The following HIVEP1 variants were observed in gnomAD, a reference collection of about 807,000 sequenced individuals.
The protein encoded by HIVEP1 is zinc finger protein 40.
A neutral mutation model predicts 180.0 loss-of-function variants in HIVEP1; 36 were observed. The ratio of observed to expected loss-of-function variants is 0.20; its 90% confidence interval spans 0.15 to 0.26. The LOEUF is 0.26. Among genes scored for constraint, HIVEP1 ranks in the 10% least tolerant of loss-of-function variants. The probability of loss-of-function intolerance (pLI) is 1.00; values close to 1 mark genes in which losing one functional copy is unlikely to be tolerated. For missense variants in HIVEP1, 3,143 were observed against 3,268.7 expected, an observed-to-expected ratio of 0.96 and a Z score of 0.94; for synonymous variants, 1,239 against 1,239.0, an observed-to-expected ratio of 1.00 and a Z score of 0.00.
intron 3 of HIVEP1, among the ~76,000 whole-genome samples, chr6:12,117,515 A>G (rs962280496): frequency 1.3e-5 from 2 of 152,182 alleles, no homozygotes; most frequent in East Asian, 1.9e-4. Flanking sequence ...TTTAAGTACA[A>G]GGTTACAGTT....
the HIVEP1 span, among the ~76,000 whole-genome samples, chr6:12,179,350 T>C: frequency 2.1e-5 from 3 of 145,382 alleles, no homozygotes; most frequent in South Asian, 4.1e-4. Context: ...CCTCCTATCA[T>C]TTTTTGCTCC....
chr6:12,047,006 G>A (rs941523770), intron 2 of HIVEP1, among the ~76,000 whole-genome samples: 4 of 151,398 alleles, frequency 2.6e-5, no homozygotes, highest in South Asian at 4.2e-4. Context: ...GATTACAGGT[G>A]TCCACCACCA....
At chr6:12,025,778 G>A (rs575003740) in intron 2 of HIVEP1, among the ~76,000 whole-genome samples, 2 of 152,314 alleles carry the variant, frequency 1.3e-5, no homozygotes, top group East Asian at 3.9e-4. Context: ...GATGGCTCAC[G>A]CCTGTAATCC....
rs758791370 is a variant in HIVEP1, at chr6:12,124,135, A to T, written c.4340A>T (p.His1447Leu). Residue 1447 changes from histidine to leucine, a missense_variant, in exon 4 of 9, where the codon CAC becomes CTC. Coordinates refer to ENST00000379388, the MANE Select transcript of HIVEP1 (RefSeq NM_002114.4). ...IAPDSHLSPV[H>L]PTSFQNTALP... is the part of the protein sequence containing the mutation. ...CCAGATAGTCATCTGTCTCCTGTACACCCAACATCTTTCCAAAATACTGCT... is the reference window on the plus strand; with the variant it reads ...CCAGATAGTCATCTGTCTCCTGTACTCCCAACATCTTTCCAAAATACTGCT... 4 of 1,614,054 alleles carry T rather than the reference A, an allele frequency of 2.5e-6. No homozygotes were observed. Among genetic ancestry groups the T allele is most frequent in the Non-Finnish European group, 3.4e-6 (4 of 1,180,000 alleles).
In HIVEP1 at chr6:12,122,225, G is replaced by A. The variant is rs746339258; in HGVS notation, c.2430G>A (p.Pro810=). 1.9e-5 allele frequency: 31 copies of A among 1,614,026 alleles called. No individual in the cohort carries two copies. Among genetic ancestry groups the A allele is most frequent in the Non-Finnish European group, 2.4e-5 (28 of 1,180,028 alleles). ...GRRTSSSSDI[P]KSPFTPTEKS... ...GAACAAGTTCAAGCTCTGATATACC[G>A]AAGTCACCTTTCACCCCTACTGAAA... The change falls in exon 4 of 9, where the codon CCG becomes CCA. Residue 810 remains proline (P), a synonymous_variant. Coordinates refer to ENST00000379388, the MANE Select transcript of HIVEP1 (RefSeq NM_002114.4).
At chr6:12,207,767 T>TAATAATAATAATAATAATAATA in the HIVEP1 span, among the ~76,000 whole-genome samples, 9 of 18,250 alleles carry the variant, frequency 4.9e-4, no homozygotes, top group Non-Finnish European at 9.5e-4. Context: ...TAATAATAAT[T>TAATAATAATAATAATAATAATA]AGCCAGGTGT....
At chr6:12,141,517 A>G (rs185377394) in intron 7 of HIVEP1, among the ~76,000 whole-genome samples, 37 of 152,060 alleles carry the variant, frequency 2.4e-4, no homozygotes, top group Non-Finnish European at 2.2e-4. Context: ...CACACATAAC[A>G]ATATTAACCT....
chr6:12,108,304 C>T (rs1774600811), intron 3 of HIVEP1, among the ~76,000 whole-genome samples: 1 of 152,362 alleles, frequency 6.6e-6, no homozygotes, highest in East Asian at 1.9e-4. Context: ...CCCCACCAGA[C>T]TCAGGAGCCC....
chr6:12,024,677 G>T (rs77359443), intron 2 of HIVEP1, among the ~76,000 whole-genome samples: 207 of 152,342 alleles, frequency 1.4e-3, no homozygotes, highest in African/African-American at 4.7e-3. Flanking sequence ...ATAGTATCCA[G>T]ATGGAAATAG....
intron 3 of HIVEP1, among the ~76,000 whole-genome samples, chr6:12,108,559 A>G (rs1175841664): frequency 1.3e-5 from 2 of 152,230 alleles, no homozygotes; most frequent in Non-Finnish European, 2.9e-5. Context: ...ATGCCCGGCG[A>G]GAAATCGAGC....
At chr6:12,034,606 GGGAA>G (rs1769162243) in intron 2 of HIVEP1, among the ~76,000 whole-genome samples, 2 of 152,198 alleles carry the variant, frequency 1.3e-5, no homozygotes, top group African/African-American at 4.8e-5. Flanking sequence ...AGGAGAGACT[GGGAA>G]AGGAGAACAG....
intron 2 of HIVEP1, among the ~76,000 whole-genome samples, chr6:12,040,318 T>C (rs1007856614): frequency 1.3e-5 from 2 of 152,244 alleles, no homozygotes; most frequent in African/African-American, 4.8e-5. Context: ...ATAAGAATAA[T>C]TTAAAATTGT....
chr6:12,051,039 A>ATATATATATATATTT, intron 2 of HIVEP1, among the ~76,000 whole-genome samples: 1 of 50,900 alleles, frequency 2.0e-5, no homozygotes, highest in Non-Finnish European at 4.7e-5. Context: ...TATGTATATT[A>ATATATATATATATTT]AAATAAATAT....
the HIVEP1 span, among the ~76,000 whole-genome samples, chr6:12,180,352 T>C: frequency 6.6e-6 from 1 of 152,232 alleles, no homozygotes; most frequent in Non-Finnish European, 1.5e-5. Flanking sequence ...TTTCTCGGCA[T>C]ATACATTTGC....
At chr6:12,189,366 A>G in the HIVEP1 span, among the ~76,000 whole-genome samples, 178 of 152,260 alleles carry the variant, frequency 1.2e-3, no homozygotes, top group African/African-American at 4.1e-3. Context: ...TAAAAATTGC[A>G]TGGATAAAAA....
chr6:12,049,074 G>T (rs1021765157), intron 2 of HIVEP1, among the ~76,000 whole-genome samples: 1 of 152,208 alleles, frequency 6.6e-6, no homozygotes, highest in Non-Finnish European at 1.5e-5. Flanking sequence ...AGCAAAAGGT[G>T]GGTGTGGGCA....
chr6:12,144,020 A>G (rs950473777), intron 7 of HIVEP1, among the ~76,000 whole-genome samples: 1 of 152,286 alleles, frequency 6.6e-6, no homozygotes, highest in South Asian at 2.1e-4. Context: ...ACGGAACTGG[A>G]AAAAAACTAC....
intron 7 of HIVEP1, among the ~76,000 whole-genome samples, chr6:12,144,611 T>C (rs1318272174): frequency 6.6e-6 from 1 of 152,168 alleles, no homozygotes; most frequent in Non-Finnish European, 1.5e-5. Flanking sequence ...AGAAAATTTT[T>C]GCAATCTACT....
intron 7 of HIVEP1, among the ~76,000 whole-genome samples, chr6:12,143,831 G>T (rs1759201500): frequency 6.6e-6 from 1 of 152,156 alleles, no homozygotes; most frequent in Admixed American, 6.5e-5. Context: ...ACTTACAAGG[G>T]ATGTGAAGGA....
Sources: allele counts gnomAD v4.1 joint callset (sites outside exome capture counted in the v4.1 genomes callset), GRCh38; gene constraint gnomAD v4.1.1; transcripts MANE v1.5; gene names NCBI Gene and HGNC (gene_info 2026-07-23, HGNC 2026-07-21).